The following PCDHGB2 variants were observed in gnomAD, a reference collection of about 807,000 sequenced individuals.
PCDHGB2 encodes protocadherin gamma-B2.
PCDHGB2 carries 55 observed loss-of-function variants against 59.3 expected under a neutral mutation model. The observed-to-expected ratio is 0.93, with a 90% CI of 0.75 to 1.16. The LOEUF (loss-of-function observed/expected upper bound fraction) is 1.16, where lower values mean the gene tolerates loss of function less well. Ranked by LOEUF, PCDHGB2 falls within the 50% of genes most tolerant of loss-of-function variation. The pLI is 0.00. For synonymous variants in PCDHGB2, 516 were observed against 512.0 expected (o/e 1.01, Z -0.11); for missense variants, 1,228 against 1,198.5 (o/e 1.02, Z -0.36).
At chr5:141,472,980 CAAAAAAA>C (rs60579131) in intron 1 of PCDHGB2, among the ~76,000 whole-genome samples, 1 of 86,108 alleles carries the variant, frequency 1.2e-5, no homozygotes, top group East Asian at 4.1e-4. Context: ...GAGTGAAACT[CAAAAAAA>C]AAAAAAAAAA....
chr5:141,404,551 G>C (rs764332245), intron 1 of PCDHGB2: 1 of 1,613,866 alleles, frequency 6.2e-7, no homozygotes, highest in Non-Finnish European at 8.5e-7. Flanking sequence ...TGCAGGTGAC[G>C]GCAAGTGACA....
chr5:141,415,651 A>C, intron 1 of PCDHGB2: 1 of 1,595,106 alleles, frequency 6.3e-7, no homozygotes. Context: ...TAAAAAAAAA[A>C]AGATTGGTTT....
intron 1 of PCDHGB2, among the ~76,000 whole-genome samples, chr5:141,472,980 C>CAAAAAAAAAAAAAAAAGAAAAAAA (rs2099308501): frequency 2.3e-5 from 2 of 86,104 alleles, no homozygotes; most frequent in African/African-American, 7.8e-5. Flanking sequence ...GAGTGAAACT[C>CAAAAAAAAAAAAAAAAGAAAAAAA]AAAAAAAAAA....
At chr5:141,400,539 T>C (rs1339848826) in intron 1 of PCDHGB2, 7 of 1,613,782 alleles carry the variant, frequency 4.3e-6, no homozygotes, top group African/African-American at 4.0e-5. Context: ...GTTTCATTTA[T>C]GTCTATTCTT....
intron 1 of PCDHGB2, chr5:141,383,684 T>A: frequency 4.3e-6 from 7 of 1,614,014 alleles, no homozygotes; most frequent in Non-Finnish European, 5.9e-6. Context: ...ACAAGACTGC[T>A]CACGGTACAT....
chr5:141,365,759 C>T (rs376978243), intron 1 of PCDHGB2: 1 of 1,613,860 alleles, frequency 6.2e-7, no homozygotes, highest in South Asian at 1.1e-5. Flanking sequence ...TGTGACAGCC[C>T]ATGACCCCGA....
chr5:141,427,103 G>A (rs1216465844), intron 1 of PCDHGB2: 3 of 457,888 alleles, frequency 6.6e-6, no homozygotes, highest in Non-Finnish European at 1.3e-5. Flanking sequence ...GTGTCAATGC[G>A]GAGATCACCT....
chr5:141,510,323 C>A (rs1173679711), intron 3 of PCDHGB2, among the ~76,000 whole-genome samples: 1 of 151,234 alleles, frequency 6.6e-6, no homozygotes, highest in East Asian at 2.0e-4. Flanking sequence ...TGGAAGAGCA[C>A]TCTTCACCCC....
chr5:141,419,322 C>T lies in PCDHGB2; in HGVS notation c.2421+56766C>T, dbSNP rs370480327. The stretch of plus-strand genomic sequence containing the variant: ...GACTTCGGGCTCAACGGCCGTGTCT[C>T]CTACTCTCTCATTGCCAGCGACCTG... On this transcript the variant is annotated intron_variant, in intron 1 of 3. Transcript: ENST00000522605. 164 of 1,613,852 alleles carry T rather than the reference C, an allele frequency of 1.0e-4. No individual in the cohort carries two copies. Among genetic ancestry groups the T allele is most frequent in the Non-Finnish European group, 1.3e-4 (153 of 1,179,898 alleles).
chr5:141,410,760 A>C, intron 1 of PCDHGB2: 1 of 1,177,482 alleles, frequency 8.5e-7, no homozygotes. Context: ...ATGTTTTTTC[A>C]ATTATAGTTT....
Position 141,451,083 on chromosome 5 carries a change from C to T in PCDHGB2, c.2422-43724C>T, listed in dbSNP as rs192869194. On this transcript the variant is annotated intron_variant, in intron 1 of 3. Coordinates refer to ENST00000522605, the MANE Select transcript of PCDHGB2 (RefSeq NM_018923.3). The stretch of plus-strand genomic sequence containing the variant: ...GACCTTGTGATCCACCCACCTTGAC[C>T]TCCCAAAGTGTTGGGATTACAGGCG... 4.9e-4 allele frequency among the ~76,000 whole-genome samples: 75 copies of T among 152,174 alleles called. 3 individuals carry two copies. In the East Asian group the frequency reaches 0.014, roughly 29 times the overall value.
chr5:141,435,929 G>A (rs926025053), intron 1 of PCDHGB2, among the ~76,000 whole-genome samples: 10 of 152,134 alleles, frequency 6.6e-5, no homozygotes, highest in African/African-American at 2.4e-4. Flanking sequence ...TGCGGCAGTT[G>A]CTGCTTCTGA....
Position 141,503,010 on chromosome 5 carries a change from AT to A in PCDHGB2, c.2481-2371del, listed in dbSNP as rs199924715. ...AGGCGTGTGCCACCATGCCCGGTTA[AT>A]TTTTTTTTTTTAATATCTATTTTAG... On this transcript the variant is annotated intron_variant, in intron 2 of 3. Coordinates refer to ENST00000522605, the MANE Select transcript of PCDHGB2 (RefSeq NM_018923.3). Among the ~76,000 whole-genome samples the A allele has an allele frequency of 6.8e-3, 997 of 146,562 alleles. 9 individuals are homozygous for A. The highest frequency in any genetic ancestry group is 0.023 in the African/African-American group (916 of 39,838).
chr5:141,438,631 TATATAC>T (rs1271580663), intron 1 of PCDHGB2, among the ~76,000 whole-genome samples: 5,390 of 42,476 alleles, frequency 0.13, 146 homozygotes, highest in Non-Finnish European at 0.16. Context: ...TATATATATA[TATATAC>T]ACACACACAC....
Position 141,360,267 on chromosome 5 carries a change from C to T in PCDHGB2, c.132C>T (p.Asn44=), listed in dbSNP as rs755623766. 1 of 1,613,986 alleles carries T rather than the reference C, an allele frequency of 6.2e-7. No individual in the cohort carries two copies. Among genetic ancestry groups the T allele is most frequent in the Non-Finnish European group, 8.5e-7 (1 of 1,179,888 alleles). Residue 44 remains asparagine, a synonymous_variant, in exon 1 of 4, where the codon AAC becomes AAT. Coordinates refer to ENST00000522605, the MANE Select transcript of PCDHGB2 (RefSeq NM_018923.3). ...RYSIPEELAK[N]SVVGNLAKDL... The stretch of plus-strand genomic sequence containing the variant: ...CAATTCCAGAGGAGCTGGCCAAAAA[C>T]TCGGTCGTAGGAAACCTCGCCAAGG...
In PCDHGB2 at chr5:141,430,843, C is replaced by T. The variant is rs1370427603; in HGVS notation, c.2422-63964C>T. 2.6e-6 allele frequency: 4 copies of T among 1,568,356 alleles called. No homozygotes were observed. The African/African-American group carries it at 4.1e-5, about 16-fold the overall frequency. On this transcript the variant is annotated intron_variant, in intron 1 of 3. Coordinates refer to ENST00000522605, the MANE Select transcript of PCDHGB2 (RefSeq NM_018923.3). ...TGGGGACTCTGTGGGAGACCGGATG[C>T]ACCCAGATACGCTATTCAGTTCCGG...
chr5:141,436,068 T>A (rs1343785335), intron 1 of PCDHGB2, among the ~76,000 whole-genome samples: 1 of 152,190 alleles, frequency 6.6e-6, no homozygotes, highest in Non-Finnish European at 1.5e-5. Flanking sequence ...ATTTAATAAG[T>A]ACAGTGTTCT....
chr5:141,400,368 C>T lies in PCDHGB2; in HGVS notation c.2421+37812C>T. On this transcript the variant is annotated intron_variant, in intron 1 of 3. Coordinates refer to ENST00000522605, the MANE Select transcript of PCDHGB2 (RefSeq NM_018923.3). ...ACAGTCAGGGGACTTTGCCTTATTC[C>T]TACAACCTATGTGTTGCACATACAG... is the stretch of plus-strand genomic sequence containing the variant. 8.1e-6 allele frequency: 13 copies of T among 1,614,044 alleles called. No homozygotes were observed. The highest frequency in any genetic ancestry group is 1.6e-4 in the Middle Eastern group (1 of 6,062).
At chr5:141,439,009 G>T (rs1474312524) in intron 1 of PCDHGB2, among the ~76,000 whole-genome samples, 1 of 151,594 alleles carries the variant, frequency 6.6e-6, no homozygotes, top group Non-Finnish European at 1.5e-5. Flanking sequence ...TGGTTTGTTT[G>T]TCAAATTTTG....
Sources: gnomAD v4.1 joint callset for allele counts (sites outside exome capture counted in the v4.1 genomes callset) on GRCh38, gnomAD v4.1.1 for gene constraint, MANE v1.5 for transcripts, NCBI Gene and HGNC (gene_info 2026-07-23, HGNC 2026-07-21) for gene names.